The following TAF1 variants were observed in gnomAD, a reference collection of about 807,000 sequenced individuals.
TAF1 encodes TATA-box binding protein associated factor 1, also known as transcription initiation factor TFIID subunit 1.
In TAF1, 2 loss-of-function variants were observed where a neutral mutation model predicts 138.5. That is an observed-to-expected ratio of 0.01 (90% CI 0.01 to 0.05). The LOEUF (loss-of-function observed/expected upper bound fraction) is 0.05. Among genes scored for constraint, TAF1 ranks in the 10% least tolerant of loss-of-function variants. The pLI is 1.00. For missense variants in TAF1, 709 were observed against 1,478.0 expected (o/e 0.48, Z 8.53); for synonymous variants, 437 against 503.2 (o/e 0.87, Z 1.76).
In TAF1 at chrX:71,394,059, C is replaced by T; in HGVS notation, c.3228-8C>T. 1.7e-6 allele frequency: 2 copies of T among 1,193,578 alleles called. No individual in the cohort carries two copies. Among genetic ancestry groups the T allele is most frequent in the Admixed American group, 2.4e-5 (1 of 41,606 alleles). On this transcript the variant is annotated splice_region_variant and splice_polypyrimidine_tract_variant and intron_variant, in intron 21 of 37. Transcript: ENST00000423759. Reference sequence around the variant, plus strand: ...GTTCTTTCTGCACATTGCTTTTTCTCTTTTTAGGGTTCTGTCATCAACTGA... The same window carrying T: ...GTTCTTTCTGCACATTGCTTTTTCTTTTTTTAGGGTTCTGTCATCAACTGA...
At chrX:71,437,994 C>T (rs2037231603) in intron 32 of TAF1, among the ~76,000 whole-genome samples, 1 of 108,916 alleles carries the variant, frequency 9.2e-6, no homozygotes, top group African/African-American at 3.3e-5. Context: ...CACCACCACG[C>T]CCGGGTAATT....
At chrX:71,376,884 G>GT in intron 4 of TAF1, 66 bp from the exon 5 acceptor site, 2 of 1,183,752 alleles carry the variant, frequency 1.7e-6, no homozygotes, top group Non-Finnish European at 2.3e-6. Flanking sequence ...TAAAGTGGGT[G>GT]TTTGCGGAAT....
At chrX:71,475,826 G>A (rs762982380) in intron 13 of TAF1, among the ~76,000 whole-genome samples, 84 of 111,064 alleles carry the variant, frequency 7.6e-4, no homozygotes, top group Non-Finnish European at 1.4e-3. Flanking sequence ...GGCATGGTGC[G>A]AGGTGTTTGG....
At chrX:71,420,419 G>A (rs767998139) in intron 28 of TAF1, 14 of 1,210,493 alleles carry the variant, frequency 1.2e-5, no homozygotes, top group Non-Finnish European at 1.5e-5. Flanking sequence ...CTGAACCACA[G>A]CCATGAAAGT....
At chrX:71,438,367 ATAT>A (rs1379974384) in intron 32 of TAF1, among the ~76,000 whole-genome samples, 1 of 111,814 alleles carries the variant, frequency 8.9e-6, no homozygotes, top group Non-Finnish European at 1.9e-5. Context: ...ATCATACATT[ATAT>A]ACAATATTCT....
At chrX:71,379,940 T>C (rs890174193) in intron 8 of TAF1, among the ~76,000 whole-genome samples, 1 of 111,242 alleles carries the variant, frequency 9.0e-6, no homozygotes, top group African/African-American at 3.3e-5. Flanking sequence ...CAGTACTTTA[T>C]AGTATATTTT....
chrX:71,508,066 TTCTC>T (rs369650229), intron 13 of TAF1, among the ~76,000 whole-genome samples: 5 of 83,575 alleles, frequency 6.0e-5, no homozygotes, highest in Non-Finnish European at 9.2e-5. Flanking sequence ...TATATGAATA[TTCTC>T]TCTCTCTCTC....
At chrX:71,459,192 G>T in intron 35 of TAF1, 1 of 1,094,830 alleles carries the variant, frequency 9.1e-7, no homozygotes, top group Non-Finnish European at 1.2e-6. Flanking sequence ...AGACTCTGAT[G>T]TAGATATTGA....
chrX:71,454,138 A>G, intron 32 of TAF1, 32 bp from the exon 33 acceptor site: 4 of 1,172,256 alleles, frequency 3.4e-6, no homozygotes, highest in Non-Finnish European at 4.6e-6. Context: ...CAAGTCTGCA[A>G]AGATAATGGC....
chrX:71,386,981 T>C (rs2034269651), intron 14 of TAF1: 1 of 303,092 alleles, frequency 3.3e-6, no homozygotes, highest in Non-Finnish European at 5.8e-6. Flanking sequence ...ACATGTTAAA[T>C]AGCTTAAATA....
rs1476514761 is a variant in TAF1, at chrX:71,464,622, C to G, written c.*576C>G. 1.2e-5 allele frequency: 2 copies of G among 165,816 alleles called. No individual in the cohort carries two copies. Among genetic ancestry groups the G allele is most frequent in the Admixed American group, 8.0e-5 (1 of 12,460 alleles). The allele number at this position is 165,816 out of a possible 1,213,427, so 13.7% of individuals were successfully genotyped here. A position where few individuals can be genotyped will look rare whatever the true frequency, so the allele number is the denominator to read the frequency against. ...TCGGGAGGCTGAGGCAGGAGAATTACTTGAACCCGGGAGGCAGAGGTTGCA... is the reference window on the plus strand; with the variant it reads ...TCGGGAGGCTGAGGCAGGAGAATTAGTTGAACCCGGGAGGCAGAGGTTGCA... On this transcript the variant is annotated 3_prime_UTR_variant, in exon 38 of 38. Coordinates refer to ENST00000423759, the MANE Select transcript of TAF1 (RefSeq NM_004606.5).
intron 13 of TAF1, among the ~76,000 whole-genome samples, chrX:71,483,296 A>G (rs1217757527): frequency 1.9e-5 from 2 of 107,346 alleles, no homozygotes; most frequent in African/African-American, 3.4e-5. Flanking sequence ...CCAAGAAACC[A>G]CTTTTCTTTG....
chrX:71,388,174 G>A, intron 15 of TAF1, 63 bp from the exon 16 acceptor site: 1 of 1,178,143 alleles, frequency 8.5e-7, no homozygotes, highest in Non-Finnish European at 1.1e-6. Context: ...CAAAGGAAGA[G>A]GCCCTAGTGA....
Position 71,458,284 on chromosome X carries a change from G to A in TAF1, c.4982G>A (p.Arg1661Gln), listed in dbSNP as rs745325825. 1.7e-5 allele frequency: 20 copies of A among 1,211,582 alleles called. No individual in the cohort carries two copies. The Middle Eastern group carries it at 2.5e-3, about 153-fold the overall frequency. Residue 1661 changes from arginine to glutamine, a missense_variant, in exon 35 of 38, where the codon CGA (arginine) becomes CAA (glutamine). This residue lies in a region of TAF1 where 123 missense variants were observed against 174.7 expected (regional missense o/e 0.70). Coordinates refer to ENST00000423759, the MANE Select transcript of TAF1 (RefSeq NM_004606.5). ...ACCAACACATCCCTCAGTATGTCTC[G>A]AGATGCCTCTGTATTTCAAGATGAG... ...YDTNTSLSMS[R>Q]DASVFQDESN... is the part of the protein sequence containing the mutation.
At chrX:71,460,560 G>C in intron 36 of TAF1, 66 bp from the exon 37 acceptor site, 2 of 1,157,594 alleles carry the variant, frequency 1.7e-6, no homozygotes, top group Non-Finnish European at 2.3e-6. Context: ...GGAAGATCAA[G>C]CCAAAGATCA....
chrX:71,379,127 T>TTTTTTTTTTTTC, intron 8 of TAF1, 96 bp downstream of exon 8: 1 of 837,400 alleles, frequency 1.2e-6, no homozygotes, highest in Middle Eastern at 3.9e-4. Context: ...TTTTTTTTTT[T>TTTTTTTTTTTTC]TCGGTGAGAC....
rs943019298 is a variant in TAF1, at chrX:71,408,033, C to T, written c.4266C>T (p.Ile1422=). The T allele has an allele frequency of 2.5e-6, 3 of 1,209,764 alleles. No individual in the cohort carries two copies. The African/African-American group carries it at 5.3e-5, about 21-fold the overall frequency. Residue 1422 remains isoleucine, a synonymous_variant, in exon 28 of 38, where the codon ATC becomes ATT. Transcript: ENST00000423759. The part of the protein sequence containing the change: ...AKVVKDYYKI[I]TRPMDLQTLR... The stretch of plus-strand genomic sequence containing the variant: ...TTGTAAAGGACTACTACAAAATCAT[C>T]ACTCGGCCAATGGACCTACAAACAC...
chrX:71,408,187 T>C (rs776393555), intron 28 of TAF1, 36 bp downstream of exon 28: 2 of 1,199,240 alleles, frequency 1.7e-6, no homozygotes, highest in South Asian at 1.8e-5. Flanking sequence ...CAAAGGTCAC[T>C]GTTCAGATCC....
rs762116332 is a variant in TAF1 at position 71,378,258 on chromosome X, G to C, written c.957G>C (p.Glu319Asp). 1 of 1,211,657 alleles carries C rather than the reference G, an allele frequency of 8.3e-7. No homozygotes were observed. The highest frequency in any genetic ancestry group is 1.8e-5 in the South Asian group (1 of 56,991). ...AGATCACGATGATGGCTCCTGTGGAGTCCAAATTTTCCCAATCAACTGGAG... is the reference window on the plus strand; with the variant it reads ...AGATCACGATGATGGCTCCTGTGGACTCCAAATTTTCCCAATCAACTGGAG... ...DDEITMMAPV[E>D]SKFSQSTGDI... The change falls in exon 7 of 38, where the codon GAG becomes GAC. Residue 319 changes from glutamate to aspartate, a missense_variant. Coordinates refer to ENST00000423759, the MANE Select transcript of TAF1 (RefSeq NM_004606.5).
Sources: gnomAD v4.1 joint callset for allele counts (sites outside exome capture counted in the v4.1 genomes callset) on GRCh38, gnomAD v4.1.1 for gene constraint, gnomAD v4.1.1 regional missense constraint, MANE v1.5 for transcripts, NCBI Gene and HGNC (gene_info 2026-07-23, HGNC 2026-07-21) for gene names.